Variants in UMAD1 observed in about 807,000 individuals in gnomAD.
UMAD1 encodes UBAP1-MVB12-associated (UMA)-domain containing protein 1.
In UMAD1, 8 loss-of-function variants were observed where a neutral mutation model predicts 6.1. That is an observed-to-expected ratio of 1.30 (90% CI 0.76 to 2.35). UMAD1 has a LOEUF of 2.35. UMAD1 is among the 30% of genes most tolerant of loss of function. The pLI is 0.00. For synonymous variants in UMAD1, 56 were observed against 31.4 expected (o/e 1.78, Z -2.61); for missense variants, 130 against 78.4 (o/e 1.66, Z -2.49).
chr7:7,742,373 C>A, intron 2 of UMAD1: 1 of 593,042 alleles, frequency 1.7e-6, no homozygotes, highest in South Asian at 1.4e-5. Flanking sequence ...CCGAGGATAT[C>A]TGGGCTGCCT....
intron 3 of UMAD1, among the ~76,000 whole-genome samples, chr7:7,860,748 C>A (rs1784100506): frequency 6.7e-6 from 1 of 149,034 alleles, no homozygotes. Flanking sequence ...GCACTCCAGC[C>A]TGGGCGACAA....
chr7:7,677,617 A>G (rs1164109296), intron 2 of UMAD1, among the ~76,000 whole-genome samples: 1 of 143,330 alleles, frequency 7.0e-6, no homozygotes. Context: ...ATAGTATTCC[A>G]TTGTGTATAT....
chr7:7,655,855 G>C (rs777078666), intron 1 of UMAD1, among the ~76,000 whole-genome samples: 99 of 152,062 alleles, frequency 6.5e-4, no homozygotes, highest in Non-Finnish European at 1.3e-3. Context: ...TTGTTTTTGA[G>C]ACAGAGTTTC....
chr7:7,748,706 C>T (rs575886173), intron 2 of UMAD1, among the ~76,000 whole-genome samples: 1 of 151,888 alleles, frequency 6.6e-6, no homozygotes, highest in South Asian at 2.1e-4. Context: ...TCATGTTGTT[C>T]TTTGGGGATG....
chr7:7,779,502 C>T (rs575478214), intron 2 of UMAD1, among the ~76,000 whole-genome samples: 1 of 152,146 alleles, frequency 6.6e-6, no homozygotes, highest in Non-Finnish European at 1.5e-5. Context: ...AAATCTTGGC[C>T]TTAAGTGATC....
intron 2 of UMAD1, among the ~76,000 whole-genome samples, chr7:7,746,362 G>A (rs529560529): frequency 9.2e-5 from 14 of 152,266 alleles, no homozygotes; most frequent in African/African-American, 1.2e-4. Flanking sequence ...CTGATATGTT[G>A]AGTTGAAGGC....
intron 1 of UMAD1, among the ~76,000 whole-genome samples, chr7:7,659,044 G>A (rs1420363687): frequency 6.6e-6 from 1 of 152,178 alleles, no homozygotes; most frequent in Non-Finnish European, 1.5e-5. Context: ...GAAGGTGTAT[G>A]TGTCCAGGAA....
At chr7:7,787,065 C>T (rs1489892119) in intron 2 of UMAD1, among the ~76,000 whole-genome samples, 1 of 152,146 alleles carries the variant, frequency 6.6e-6, no homozygotes, top group African/African-American at 2.4e-5. Context: ...CAGTTGAATT[C>T]TAATTTCACT....
intron 2 of UMAD1, among the ~76,000 whole-genome samples, chr7:7,701,619 G>T (rs946074748): frequency 6.6e-6 from 1 of 152,066 alleles, no homozygotes; most frequent in African/African-American, 2.4e-5. Context: ...TTGACCTTAT[G>T]GGTCTTGCTT....
intron 3 of UMAD1, among the ~76,000 whole-genome samples, chr7:7,861,483 C>T (rs1401530331): frequency 6.6e-6 from 1 of 152,214 alleles, no homozygotes; most frequent in Non-Finnish European, 1.5e-5. Flanking sequence ...GCTTTCTGCT[C>T]ACCTCTTCAG....
At chr7:7,833,390 A>G (rs1001474873) in intron 3 of UMAD1, among the ~76,000 whole-genome samples, 2 of 151,998 alleles carry the variant, frequency 1.3e-5, no homozygotes, top group African/African-American at 4.8e-5. Context: ...ATCGGCAACT[A>G]TCCTGACATG....
At chr7:7,769,939 C>T (rs1782068567) in intron 2 of UMAD1, among the ~76,000 whole-genome samples, 2 of 152,206 alleles carry the variant, frequency 1.3e-5, no homozygotes. Flanking sequence ...ACTTTCCTCT[C>T]ACTGTGCTGA....
intron 2 of UMAD1, among the ~76,000 whole-genome samples, chr7:7,733,433 A>G (rs983617947): frequency 1.3e-5 from 2 of 151,890 alleles, no homozygotes; most frequent in African/African-American, 4.8e-5. Flanking sequence ...TAAACTTCAT[A>G]TTCCTGATTG....
intron 2 of UMAD1, among the ~76,000 whole-genome samples, chr7:7,776,780 A>G (rs1332269514): frequency 6.6e-6 from 1 of 152,214 alleles, no homozygotes; most frequent in African/African-American, 2.4e-5. Flanking sequence ...CACCCTATCT[A>G]AATGTTCAAA....
intron 1 of UMAD1, among the ~76,000 whole-genome samples, chr7:7,663,273 G>T (rs368665267): frequency 8.4e-6 from 1 of 119,062 alleles, no homozygotes; most frequent in South Asian, 2.8e-4. Flanking sequence ...CTAAATCTAA[G>T]ATAGTTTTTT....
At chr7:7,876,074 C>G (rs1053578494) in intron 3 of UMAD1, among the ~76,000 whole-genome samples, 1 of 152,108 alleles carries the variant, frequency 6.6e-6, no homozygotes, top group African/African-American at 2.4e-5. Flanking sequence ...AAACAAAAAC[C>G]ACGTAAAAGT....
chr7:7,784,482 C>T (rs1033771425), intron 2 of UMAD1, among the ~76,000 whole-genome samples: 7 of 151,238 alleles, frequency 4.6e-5, no homozygotes, highest in Non-Finnish European at 8.8e-5. Flanking sequence ...GCTACAGGCA[C>T]CTGCCACCAT....
At chr7:7,724,707 G>T (rs541036737) in intron 2 of UMAD1, among the ~76,000 whole-genome samples, 38 of 152,334 alleles carry the variant, frequency 2.5e-4, no homozygotes, top group African/African-American at 8.9e-4. Flanking sequence ...TGCAATTGCA[G>T]CTGCTATACC....
chr7:7,794,505 A>G lies in UMAD1; in HGVS notation c.83-7165A>G, dbSNP rs1782632166. Among the ~76,000 whole-genome samples, 4 of 152,108 alleles carry G rather than the reference A, an allele frequency of 2.6e-5. No homozygotes were observed. In the South Asian group the frequency reaches 8.3e-4, roughly 32 times the overall value. ...AACGGACCCCCTCTGGGCCTCAAAA[A>G]CTGAATTCCCCATTATGACAGGAGA... is the stretch of plus-strand genomic sequence containing the variant. On this transcript the variant is annotated intron_variant, in intron 2 of 3. Coordinates refer to ENST00000682710, the MANE Select transcript of UMAD1 (RefSeq NM_001302348.2).
Sources: gnomAD v4.1 joint callset for allele counts (sites outside exome capture counted in the v4.1 genomes callset) on GRCh38, gnomAD v4.1.1 for gene constraint, MANE v1.5 for transcripts, NCBI Gene and HGNC (gene_info 2026-07-23, HGNC 2026-07-21) for gene names.